The following CCDC141 variants were observed in gnomAD, a reference collection of about 807,000 sequenced individuals.
CCDC141 encodes coiled-coil domain containing 141.
A neutral mutation model predicts 181.0 loss-of-function variants in CCDC141; 168 were observed. The observed-to-expected ratio is 0.93, with a 90% CI of 0.82 to 1.05. The LOEUF is 1.05. Among genes scored for constraint, CCDC141 ranks in the 50% least tolerant of loss-of-function variants. The pLI, the probability that CCDC141 is intolerant of heterozygous loss-of-function variation, is 0.00. For missense variants in CCDC141, 1,902 were observed against 1,788.5 expected (o/e 1.06, Z -1.14); for synonymous variants, 666 against 642.3 (o/e 1.04, Z -0.56).
At chr2:179,020,031 C>A (rs960979276) in intron 2 of CCDC141, among the ~76,000 whole-genome samples, 1 of 152,096 alleles carries the variant, frequency 6.6e-6, no homozygotes. Context: ...GCTAGGATTA[C>A]AGGCATGGAC....
intron 2 of CCDC141, among the ~76,000 whole-genome samples, chr2:178,986,835 A>G (rs1691769778): frequency 6.6e-6 from 1 of 151,210 alleles, no homozygotes; most frequent in African/African-American, 2.4e-5. Flanking sequence ...AACAAATGGA[A>G]GAACATTCCA....
At chr2:179,046,892 G>T (rs555764228) in intron 2 of CCDC141, among the ~76,000 whole-genome samples, 1 of 152,084 alleles carries the variant, frequency 6.6e-6, no homozygotes, top group African/African-American at 2.4e-5. Context: ...AGTCCAACGG[G>T]GGAAAAGTCT....
In CCDC141 at chr2:178,837,453, T is replaced by A; in HGVS notation, c.3766A>T (p.Ser1256Cys). The A allele has an allele frequency of 1.9e-6, 3 of 1,614,092 alleles. No homozygotes were observed. The highest frequency in any genetic ancestry group is 1.7e-4 in the Middle Eastern group (1 of 6,060). ...ISSYGVQAGTSSPGDAQESVL... is the reference protein window; with the variant it reads ...ISSYGVQAGTCSPGDAQESVL... Reference sequence around the variant, plus strand: ...GATTCCTGGGCATCCCCTGGGCTGCTGGTCCCAGCCTGCACCCCATAGCTG... The same window carrying A: ...GATTCCTGGGCATCCCCTGGGCTGCAGGTCCCAGCCTGCACCCCATAGCTG... The change falls in exon 23 of 24, where the codon AGC (serine) becomes TGC (cysteine). Residue 1256 changes from serine (S) to cysteine (C), a missense_variant. Coordinates refer to ENST00000443758, the MANE Select transcript of CCDC141 (RefSeq NM_173648.4).
At chr2:179,047,146 C>G (rs76188668) in intron 2 of CCDC141, 138 bp downstream of exon 2, 2 of 608,700 alleles carry the variant, frequency 3.3e-6, no homozygotes, top group Non-Finnish European at 5.0e-6. Context: ...TCATAAATAA[C>G]TACTGATTTT....
intron 2 of CCDC141, chr2:179,001,627 T>G (rs1328411313): frequency 6.6e-6 from 1 of 152,122 alleles, no homozygotes; most frequent in African/African-American, 2.4e-5. Flanking sequence ...TCAGAGAACC[T>G]TGGGGGGCAC....
intron 5 of CCDC141, among the ~76,000 whole-genome samples, chr2:178,957,889 G>A (rs527518915): frequency 6.6e-6 from 1 of 152,210 alleles, no homozygotes; most frequent in South Asian, 2.1e-4. Flanking sequence ...ATCACACCTG[G>A]CTACTTTAAA....
intron 12 of CCDC141, 151 bp from the exon 13 acceptor site, chr2:178,872,463 G>A (rs2154369272): frequency 1.5e-6 from 1 of 674,446 alleles, no homozygotes; most frequent in Non-Finnish European, 2.4e-6. Flanking sequence ...CCTGCGCAGA[G>A]GCACAGTTCA....
intron 20 of CCDC141, among the ~76,000 whole-genome samples, chr2:178,851,659 G>C (rs561436758): frequency 6.6e-6 from 1 of 152,298 alleles, no homozygotes; most frequent in South Asian, 2.1e-4. Context: ...GAGAAAAGAA[G>C]TTTCTGTTGA....
intron 12 of CCDC141, chr2:178,874,840 A>G (rs1686286299): frequency 6.6e-6 from 1 of 152,252 alleles, no homozygotes; most frequent in Non-Finnish European, 1.5e-5. Context: ...TTCAAGCACA[A>G]TGATCTTCTA....
At chr2:179,031,131 A>G (rs149514213) in intron 2 of CCDC141, among the ~76,000 whole-genome samples, 20 of 152,138 alleles carry the variant, frequency 1.3e-4, no homozygotes, top group African/African-American at 4.8e-4. Context: ...TCAATTTATA[A>G]AGATTAGATG....
At position 179,047,351 on chromosome 2, in the gene CCDC141, A is replaced by G. The variant is rs867907098; in HGVS notation, c.158T>C (p.Ile53Thr). Reference sequence around the variant, plus strand: ...TTTGGTTTCATCTTGACTGCTGCCAATTTCTAGAAGATTGGGCTGTGATTC... The same window carrying G: ...TTTGGTTTCATCTTGACTGCTGCCAGTTTCTAGAAGATTGGGCTGTGATTC... Reference protein sequence around the residue: ...LAESQPNLLEIGSSQDETKKL... With the variant: ...LAESQPNLLETGSSQDETKKL... Residue 53 changes from isoleucine (I) to threonine (T), a missense_variant, in exon 2 of 24, where the codon ATT (isoleucine) becomes ACT (threonine). Coordinates refer to ENST00000443758, the MANE Select transcript of CCDC141 (RefSeq NM_173648.4). 7.1e-6 allele frequency: 11 copies of G among 1,541,718 alleles called. No individual in the cohort carries two copies. The African/African-American group carries it at 1.5e-4, about 21-fold the overall frequency.
At position 178,856,355 on chromosome 2, in the gene CCDC141, A is replaced by T. The variant is rs1345461378; in HGVS notation, c.2767T>A (p.Leu923Met). 7 of 1,603,660 alleles carry T rather than the reference A, an allele frequency of 4.4e-6. No homozygotes were observed. The highest frequency in any genetic ancestry group is 6.0e-6 in the Non-Finnish European group (7 of 1,172,712). Residue 923 changes from leucine (L) to methionine (M), a missense_variant, in exon 18 of 24, where the codon TTG becomes ATG. Coordinates refer to ENST00000443758, the MANE Select transcript of CCDC141 (RefSeq NM_173648.4). ...TTTTTCTTAGTGTAATTAAACTTCA[A>T]ATTATTGAATTTCTTTTTGATATCT... ...FKDIKKKFNN[L>M]KFNYTKKNEK...
intron 7 of CCDC141, among the ~76,000 whole-genome samples, chr2:178,907,644 TC>T (rs1361693699): frequency 1.3e-5 from 2 of 152,188 alleles, no homozygotes; most frequent in Non-Finnish European, 2.9e-5. Context: ...TTTATCTGAT[TC>T]TTTTGCTTTC....
intron 4 of CCDC141, among the ~76,000 whole-genome samples, chr2:178,971,217 A>C (rs1007946649): frequency 6.6e-6 from 1 of 152,140 alleles, no homozygotes; most frequent in Non-Finnish European, 1.5e-5. Flanking sequence ...CAATTAAAAA[A>C]AAATTTATAA....
chr2:178,987,064 A>C (rs1460805838), intron 2 of CCDC141, among the ~76,000 whole-genome samples: 2 of 150,230 alleles, frequency 1.3e-5, no homozygotes, highest in Non-Finnish European at 1.5e-5. Flanking sequence ...CTGACTTCAA[A>C]CTATACTACA....
chr2:178,838,402 T>C (rs1356875616), intron 22 of CCDC141, among the ~76,000 whole-genome samples: 1 of 152,158 alleles, frequency 6.6e-6, no homozygotes. Context: ...AACCCCCTAA[T>C]CTTTTGTCTT....
chr2:179,015,067 GATATATATATATATAT>G (rs1177070237), intron 2 of CCDC141, among the ~76,000 whole-genome samples: 1 of 39,594 alleles, frequency 2.5e-5, no homozygotes, highest in Admixed American at 2.5e-4. Context: ...GAGAGACAGA[GATATATATATATATAT>G]ATATATATAT....
chr2:178,853,792 AGCACTT>A (rs1261539348), intron 19 of CCDC141, among the ~76,000 whole-genome samples, 168 bp from the exon 20 acceptor site: 1 of 152,264 alleles, frequency 6.6e-6, no homozygotes, highest in East Asian at 1.9e-4. Context: ...CGTATTCTAC[AGCACTT>A]AAATGTTAGC....
chr2:178,850,393 T>C (rs1411026525), intron 20 of CCDC141, among the ~76,000 whole-genome samples: 2 of 152,256 alleles, frequency 1.3e-5, no homozygotes, highest in African/African-American at 2.4e-5. Context: ...ACCTAAATAA[T>C]GTTGCTACAT....
Sources: allele counts gnomAD v4.1 joint callset (sites outside exome capture counted in the v4.1 genomes callset), GRCh38; gene constraint gnomAD v4.1.1; transcripts MANE v1.5; gene names NCBI Gene and HGNC (gene_info 2026-07-23, HGNC 2026-07-21).